Variants in FRMD4A observed in about 807,000 individuals in gnomAD.
The protein encoded by FRMD4A is FERM domain-containing protein 4A.
A neutral mutation model predicts 129.1 loss-of-function variants in FRMD4A; 29 were observed. The ratio of observed to expected loss-of-function variants is 0.22; its 90% CI spans 0.17 to 0.31. The LOEUF is 0.31. FRMD4A is among the 10% of genes least tolerant of loss of function. The pLI is 1.00. For synonymous variants in FRMD4A, 634 were observed against 571.6 expected, an observed-to-expected ratio of 1.11 and a Z score of -1.56; for missense variants, 1,272 against 1,375.8, an observed-to-expected ratio of 0.92 and a Z score of 1.19.
chr10:14,043,661 T>A (rs914194916), intron 2 of FRMD4A, among the ~76,000 whole-genome samples: 1 of 152,230 alleles, frequency 6.6e-6, no homozygotes, highest in Non-Finnish European at 1.5e-5. Context: ...CAGCCTCGAC[T>A]GCACAGCTGC....
intron 3 of FRMD4A, among the ~76,000 whole-genome samples, chr10:13,836,048 A>G (rs1391453153): frequency 6.6e-6 from 1 of 152,142 alleles, no homozygotes; most frequent in East Asian, 1.9e-4. Context: ...CCCAGGCTGG[A>G]GTGCAGTGGC....
chr10:14,078,630 C>G (rs1473672982), intron 2 of FRMD4A, among the ~76,000 whole-genome samples: 1 of 152,152 alleles, frequency 6.6e-6, no homozygotes, highest in Non-Finnish European at 1.5e-5. Flanking sequence ...TCATGTGAGC[C>G]TCACAACAAT....
intron 13 of FRMD4A, among the ~76,000 whole-genome samples, chr10:13,704,677 G>A (rs572137251): frequency 4.6e-5 from 7 of 152,228 alleles, no homozygotes; most frequent in Middle Eastern, 3.4e-3. Context: ...ATGAGCTCTG[G>A]AGCCAGACCT....
intron 2 of FRMD4A, among the ~76,000 whole-genome samples, chr10:13,866,453 C>T (rs1019936581): frequency 6.6e-6 from 1 of 152,172 alleles, no homozygotes; most frequent in Non-Finnish European, 1.5e-5. Flanking sequence ...TACTGGGTCA[C>T]CTCAAGAGAC....
chr10:14,284,543 C>T (rs12254847), intron 2 of FRMD4A, among the ~76,000 whole-genome samples: 2,669 of 152,220 alleles, frequency 0.018, 49 homozygotes, highest in African/African-American at 0.049. Flanking sequence ...GTCTCAGCTA[C>T]TCGGGAGGCT....
rs185191346 is a variant in FRMD4A, at chr10:14,091,565, C to G, written c.46-232653G>C. On this transcript the variant is annotated intron_variant, in intron 2 of 24. Transcript: ENST00000357447. Reference sequence around the variant, plus strand: ...CCTTCTGCCTCAGCCTCCTGAGTAGCTGGGACTACAGGCATGGGCCACCAT... The same window carrying G: ...CCTTCTGCCTCAGCCTCCTGAGTAGGTGGGACTACAGGCATGGGCCACCAT... 4.0e-3 allele frequency among the ~76,000 whole-genome samples: 612 copies of G among 152,306 alleles called. 2 individuals carry two copies. The highest frequency in any genetic ancestry group is 6.5e-3 in the Non-Finnish European group (441 of 68,024).
At chr10:14,150,065 A>T (rs574529011) in intron 2 of FRMD4A, among the ~76,000 whole-genome samples, 3 of 152,256 alleles carry the variant, frequency 2.0e-5, no homozygotes, top group Admixed American at 2.0e-4. Context: ...AATGCTACGT[A>T]CTTTTAAACA....
intron 12 of FRMD4A, among the ~76,000 whole-genome samples, chr10:13,733,676 C>T (rs888131150): frequency 3.9e-5 from 6 of 152,232 alleles, no homozygotes; most frequent in Non-Finnish European, 8.8e-5. Flanking sequence ...ATCTGTCCGC[C>T]TCGGCCTCCC....
In FRMD4A at chr10:13,888,205, C is replaced by T. The variant is rs557899883; in HGVS notation, c.46-29293G>A. 1.3e-3 allele frequency among the ~76,000 whole-genome samples: 196 copies of T among 152,262 alleles called. 1 individual carries two copies. Among genetic ancestry groups the T allele is most frequent in the African/African-American group, 4.3e-3 (180 of 41,558 alleles). ...GAACACCTCAAGATAAAATCCAGCA[C>T]GCCCTTCCCCACAAGATCAGATTTT... On this transcript the variant is annotated intron_variant, in intron 2 of 24. Coordinates refer to ENST00000357447, the MANE Select transcript of FRMD4A (RefSeq NM_018027.5).
intron 12 of FRMD4A, among the ~76,000 whole-genome samples, chr10:13,721,765 G>A (rs570835311): frequency 1.3e-5 from 2 of 152,336 alleles, no homozygotes; most frequent in East Asian, 1.9e-4. Context: ...TCATAGACAC[G>A]GCTAGTGAGG....
At chr10:14,250,813 C>T (rs1844412536) in intron 2 of FRMD4A, among the ~76,000 whole-genome samples, 1 of 152,130 alleles carries the variant, frequency 6.6e-6, no homozygotes, top group Non-Finnish European at 1.5e-5. Context: ...CAGGGGGAGG[C>T]CCAGGAGTCA....
chr10:14,025,616 C>T (rs1296718626), intron 2 of FRMD4A, among the ~76,000 whole-genome samples: 1 of 152,110 alleles, frequency 6.6e-6, no homozygotes, highest in East Asian at 1.9e-4. Context: ...ACTATTACAC[C>T]ACCATCCATC....
chr10:14,304,034 C>T lies in FRMD4A; in HGVS notation c.45+26024G>A, dbSNP rs535000405. 6.6e-5 allele frequency among the ~76,000 whole-genome samples: 10 copies of T among 152,166 alleles called. No individual in the cohort carries two copies. In the East Asian group the frequency reaches 1.5e-3, roughly 24 times the overall value. Reference sequence around the variant, plus strand: ...AGCATACCTTTTTCATCCATTTATCCGCTGATAGACACTTGAGTTGCTTCT... The same window carrying T: ...AGCATACCTTTTTCATCCATTTATCTGCTGATAGACACTTGAGTTGCTTCT... On this transcript the variant is annotated intron_variant, in intron 2 of 24. Transcript: ENST00000357447.
intron 2 of FRMD4A, among the ~76,000 whole-genome samples, chr10:13,928,465 T>C (rs1479011559): frequency 1.3e-5 from 2 of 152,288 alleles, no homozygotes; most frequent in African/African-American, 2.4e-5. Context: ...AGTATTTGGA[T>C]TGGCATTTAT....
At chr10:14,253,914 T>C (rs1212266735) in intron 2 of FRMD4A, among the ~76,000 whole-genome samples, 1 of 151,640 alleles carries the variant, frequency 6.6e-6, no homozygotes, top group East Asian at 1.9e-4. Flanking sequence ...ATGCCAGCTT[T>C]CTCTCTCTCT....
chr10:14,257,285 C>T (rs781151397), intron 2 of FRMD4A, among the ~76,000 whole-genome samples: 1 of 152,064 alleles, frequency 6.6e-6, no homozygotes, highest in African/African-American at 2.4e-5. Flanking sequence ...GAGCCGAGAT[C>T]GTGCCACCAC....
chr10:13,847,643 T>A (rs2094072256), intron 3 of FRMD4A, among the ~76,000 whole-genome samples: 1 of 151,936 alleles, frequency 6.6e-6, no homozygotes, highest in African/African-American at 2.4e-5. Flanking sequence ...AAGGACAGGG[T>A]CCAGCGGGTG....
At chr10:14,026,079 T>C (rs1226607500) in intron 2 of FRMD4A, among the ~76,000 whole-genome samples, 1 of 152,168 alleles carries the variant, frequency 6.6e-6, no homozygotes, top group Non-Finnish European at 1.5e-5. Flanking sequence ...AACTCTGGTC[T>C]CCTGATTCCA....
intron 16 of FRMD4A, among the ~76,000 whole-genome samples, chr10:13,671,083 A>G (rs1051829524): frequency 5.3e-5 from 8 of 152,366 alleles, no homozygotes; most frequent in Non-Finnish European, 1.2e-4. Flanking sequence ...AAACTGAGTA[A>G]GGATAGTAAC....
Sources: allele counts gnomAD v4.1 joint callset (sites outside exome capture counted in the v4.1 genomes callset), GRCh38; gene constraint gnomAD v4.1.1; transcripts MANE v1.5; gene names NCBI Gene and HGNC (gene_info 2026-07-23, HGNC 2026-07-21).